Variants in GPATCH2 observed in about 807,000 individuals in gnomAD.
The protein encoded by GPATCH2 is G-patch domain containing 2.
Under a neutral mutation model 58.0 loss-of-function variants are expected in GPATCH2, and 51 were observed. That is an observed-to-expected ratio of 0.88 (90% CI 0.70 to 1.11). The LOEUF (loss-of-function observed/expected upper bound fraction) is 1.11. GPATCH2 is among the 50% of genes most tolerant of loss of function. The probability of loss-of-function intolerance (pLI) is 0.00; values close to 1 mark genes in which losing one functional copy is unlikely to be tolerated. For synonymous variants in GPATCH2, 222 were observed against 218.5 expected (o/e 1.02, Z -0.14); for missense variants, 625 against 652.2 (o/e 0.96, Z 0.45).
At chr1:217,531,391 A>G (rs1664181943) in intron 5 of GPATCH2, among the ~76,000 whole-genome samples, 1 of 152,234 alleles carries the variant, frequency 6.6e-6, no homozygotes, top group South Asian at 2.1e-4. Flanking sequence ...TTAGCATTTT[A>G]CAATAGTCAT....
intron 5 of GPATCH2, among the ~76,000 whole-genome samples, chr1:217,596,146 T>A (rs898041511): frequency 1.7e-4 from 26 of 151,622 alleles, no homozygotes; most frequent in African/African-American, 6.3e-4. Flanking sequence ...TGAAAAATGA[T>A]AACATTGAAA....
chr1:217,617,100 A>G (rs943555950), intron 2 of GPATCH2, among the ~76,000 whole-genome samples: 3 of 152,200 alleles, frequency 2.0e-5, no homozygotes, highest in Non-Finnish European at 4.4e-5. Context: ...TCACTGTTAA[A>G]AATTCTTCAC....
At chr1:217,586,250 T>C (rs972042286) in intron 5 of GPATCH2, among the ~76,000 whole-genome samples, 5 of 152,240 alleles carry the variant, frequency 3.3e-5, no homozygotes, top group Admixed American at 6.5e-5. Flanking sequence ...CCTTTAAAAT[T>C]CTTCACTTTT....
intron 5 of GPATCH2, among the ~76,000 whole-genome samples, chr1:217,604,854 T>C (rs113366722): frequency 0.23 from 35,153 of 151,840 alleles, 4,194 homozygotes; most frequent in Middle Eastern, 0.28. Flanking sequence ...GGCGAAATCC[T>C]GGCTCTACTA....
At chr1:217,595,509 T>C (rs550218481) in intron 5 of GPATCH2, among the ~76,000 whole-genome samples, 29 of 149,000 alleles carry the variant, frequency 1.9e-4, no homozygotes, top group African/African-American at 7.1e-4. Context: ...CTTTTTTTCT[T>C]TTTTTTTTTG....
At chr1:217,496,929 G>A (rs1662039484) in intron 7 of GPATCH2, among the ~76,000 whole-genome samples, 1 of 151,964 alleles carries the variant, frequency 6.6e-6, no homozygotes, top group African/African-American at 2.4e-5. Flanking sequence ...CAAAGTTTAA[G>A]TAAAAGCTGA....
chr1:217,461,511 G>C (rs1660196799), intron 8 of GPATCH2, among the ~76,000 whole-genome samples: 1 of 152,112 alleles, frequency 6.6e-6, no homozygotes, highest in Non-Finnish European at 1.5e-5. Flanking sequence ...GCAGTTACAT[G>C]CCTTGCCATA....
chr1:217,582,923 C>T (rs1667141600), intron 5 of GPATCH2, among the ~76,000 whole-genome samples: 1 of 152,174 alleles, frequency 6.6e-6, no homozygotes, highest in Non-Finnish European at 1.5e-5. Context: ...TACTGAAATA[C>T]ACCATTCACT....
rs988670490 is a variant in GPATCH2, at chr1:217,618,234, T to C, written c.773+1549A>G. ...GCCCTCTGGAAACTTTTTTTTTTTT[T>C]TTTTTTTGAGATAGAGTCTTGCTCT... On this transcript the variant is annotated intron_variant, in intron 2 of 9. Coordinates refer to ENST00000366935, the MANE Select transcript of GPATCH2 (RefSeq NM_018040.5). Among the ~76,000 whole-genome samples, 6 of 151,180 alleles carry C rather than the reference T, an allele frequency of 4.0e-5. No individual in the cohort carries two copies. The South Asian group carries it at 8.4e-4, about 21-fold the overall frequency.
intron 5 of GPATCH2, among the ~76,000 whole-genome samples, chr1:217,572,271 G>A (rs963805968): frequency 2.0e-5 from 3 of 152,100 alleles, no homozygotes; most frequent in African/African-American, 7.2e-5. Flanking sequence ...CTTATTCTGT[G>A]TAACTCGAGA....
At chr1:217,437,662 G>A (rs1454364431) in intron 9 of GPATCH2, among the ~76,000 whole-genome samples, 1 of 152,258 alleles carries the variant, frequency 6.6e-6, no homozygotes, top group Non-Finnish European at 1.5e-5. Flanking sequence ...TAAAGCTGCT[G>A]TAGCCAGACT....
intron 8 of GPATCH2, among the ~76,000 whole-genome samples, chr1:217,488,092 C>T (rs914179359): frequency 6.6e-6 from 1 of 152,134 alleles, no homozygotes; most frequent in Non-Finnish European, 1.5e-5. Flanking sequence ...CTAACTGAAT[C>T]ACATTCCAGT....
At chr1:217,586,401 C>T (rs935195090) in intron 5 of GPATCH2, among the ~76,000 whole-genome samples, 2 of 150,824 alleles carry the variant, frequency 1.3e-5, no homozygotes, top group Non-Finnish European at 2.9e-5. Flanking sequence ...TTGTTAAAAA[C>T]AAGACACAAA....
chr1:217,475,097 T>C (rs1198685738), intron 8 of GPATCH2, among the ~76,000 whole-genome samples: 2 of 151,908 alleles, frequency 1.3e-5, no homozygotes, highest in Non-Finnish European at 2.9e-5. Flanking sequence ...AAGAAAAAAA[T>C]ATGCACTCAC....
chr1:217,522,368 AT>A (rs923899107), intron 5 of GPATCH2, among the ~76,000 whole-genome samples: 1 of 152,084 alleles, frequency 6.6e-6, no homozygotes, highest in Non-Finnish European at 1.5e-5. Flanking sequence ...TGGTAATACT[AT>A]TTTTTTTAAG....
rs1272864095 is a variant in GPATCH2, at chr1:217,428,682, T to C, written c.*2463A>G. 1 of 152,154 alleles carries C rather than the reference T, an allele frequency of 6.6e-6. No homozygotes were observed. The highest frequency in any genetic ancestry group is 1.5e-5 in the Non-Finnish European group (1 of 68,014). 9.4% of individuals were successfully genotyped at this position (152,154 alleles called of 1,614,324 possible). A position where few individuals can be genotyped will look rare whatever the true frequency, so the allele number is the denominator to read the frequency against. On this transcript the variant is annotated 3_prime_UTR_variant, in exon 10 of 10. Transcript: ENST00000366935. ...AAACACTTCAACAGAGTAAGAAGTA[T>C]TTTAAGTCCTCTGTGAATCACATAG...
At chr1:217,571,208 GA>G (rs1349352229) in intron 5 of GPATCH2, among the ~76,000 whole-genome samples, 1 of 152,140 alleles carries the variant, frequency 6.6e-6, no homozygotes, top group Non-Finnish European at 1.5e-5. Context: ...ATGTAATAGG[GA>G]CATTAAACTG....
intron 9 of GPATCH2, among the ~76,000 whole-genome samples, chr1:217,433,879 C>A (rs1001677333): frequency 1.3e-5 from 2 of 152,128 alleles, no homozygotes; most frequent in African/African-American, 4.8e-5. Flanking sequence ...ACAAGGAAAG[C>A]CACAAAGTGC....
At chr1:217,483,884 A>T (rs1661331471) in intron 8 of GPATCH2, among the ~76,000 whole-genome samples, 1 of 152,216 alleles carries the variant, frequency 6.6e-6, no homozygotes, top group African/African-American at 2.4e-5. Context: ...AATATTTTAT[A>T]AGATATGTGA....
Sources: allele counts gnomAD v4.1 joint callset (sites outside exome capture counted in the v4.1 genomes callset), GRCh38; gene constraint gnomAD v4.1.1; transcripts MANE v1.5; gene names NCBI Gene and HGNC (gene_info 2026-07-23, HGNC 2026-07-21).